Variants in KCNMA1 observed in about 807,000 individuals in gnomAD.
KCNMA1 encodes Calcium-activated potassium channel subunit alpha-1.
A neutral mutation model predicts 140.0 loss-of-function variants in KCNMA1; 29 were observed. The observed-to-expected ratio is 0.21, with a 90% CI of 0.15 to 0.28. The LOEUF (loss-of-function observed/expected upper bound fraction) is 0.28, where lower values mean the gene tolerates loss of function less well. Ranked by LOEUF, KCNMA1 falls within the 10% of genes least tolerant of loss-of-function variation. The probability of loss-of-function intolerance (pLI) is 1.00; values close to 1 mark genes in which losing one functional copy is unlikely to be tolerated. For missense variants in KCNMA1, 880 were observed against 1,602.2 expected (o/e 0.55, Z 7.70); for synonymous variants, 612 against 611.9 (o/e 1.00, Z 0.00).
chr10:77,242,225 A>G (rs777229878), intron 3 of KCNMA1, among the ~76,000 whole-genome samples: 8 of 152,260 alleles, frequency 5.3e-5, no homozygotes, highest in African/African-American at 1.2e-4. Context: ...TTAATCATCT[A>G]TCATTGGACA....
intron 1 of KCNMA1, among the ~76,000 whole-genome samples, chr10:77,564,149 A>G (rs544510146): frequency 1.3e-5 from 2 of 152,336 alleles, no homozygotes; most frequent in African/African-American, 4.8e-5. Flanking sequence ...ACAAAAAGAG[A>G]AGAACAGAGA....
Position 76,935,589 on chromosome 10 carries a change from G to A in KCNMA1, c.2902+9184C>T, listed in dbSNP as rs184568664. On this transcript the variant is annotated intron_variant, in intron 23 of 27. Transcript: ENST00000286628. The stretch of plus-strand genomic sequence containing the variant: ...GGAGATTAAATAAGATATTACATAG[G>A]AATGTGTCTGGTGTATGGCTCACCT... 1.4e-3 allele frequency among the ~76,000 whole-genome samples: 214 copies of A among 152,208 alleles called. No individual in the cohort carries two copies. In the Middle Eastern group the frequency reaches 0.024, roughly 17 times the overall value.
At chr10:77,025,357 T>A in intron 16 of KCNMA1, 1 of 999,970 alleles carries the variant, frequency 1.0e-6, no homozygotes, top group East Asian at 2.6e-5. Flanking sequence ...ATCTCTCTCT[T>A]CTTGAATTCT....
At chr10:77,325,986 G>T (rs147141468) in intron 2 of KCNMA1, among the ~76,000 whole-genome samples, 128 of 152,236 alleles carry the variant, frequency 8.4e-4, no homozygotes, top group African/African-American at 2.8e-3. Context: ...CCAGGATGGG[G>T]GTTGACTGTT....
At chr10:77,401,139 A>G (rs770972576) in intron 2 of KCNMA1, among the ~76,000 whole-genome samples, 8 of 147,750 alleles carry the variant, frequency 5.4e-5, no homozygotes, top group Non-Finnish European at 9.0e-5. Context: ...TTGTTCTACA[A>G]ACTTCAAAAA....
intron 2 of KCNMA1, among the ~76,000 whole-genome samples, chr10:77,318,113 T>C (rs2081356337): frequency 6.6e-6 from 1 of 152,164 alleles, no homozygotes; most frequent in Non-Finnish European, 1.5e-5. Flanking sequence ...GGCTCAGTGA[T>C]GGAGGTACTA....
intron 3 of KCNMA1, among the ~76,000 whole-genome samples, chr10:77,213,815 T>G (rs1039325891): frequency 6.6e-6 from 1 of 152,124 alleles, no homozygotes; most frequent in Non-Finnish European, 1.5e-5. Context: ...TTCTGATATC[T>G]CGGCCTCAAA....
At chr10:77,483,286 T>C (rs2098423114) in intron 1 of KCNMA1, among the ~76,000 whole-genome samples, 1 of 152,214 alleles carries the variant, frequency 6.6e-6, no homozygotes, top group Admixed American at 6.5e-5. Context: ...CTTCAACTTT[T>C]ACAAGGGAAG....
intron 9 of KCNMA1, among the ~76,000 whole-genome samples, chr10:77,104,355 G>A (rs546694373): frequency 4.6e-5 from 7 of 152,222 alleles, no homozygotes; most frequent in African/African-American, 1.2e-4. Flanking sequence ...AGCAAGAGAC[G>A]GGTTAGTCCA....
chr10:76,941,925 C>T (rs560650740), intron 23 of KCNMA1, among the ~76,000 whole-genome samples: 18 of 152,160 alleles, frequency 1.2e-4, no homozygotes, highest in Admixed American at 3.3e-4. Flanking sequence ...ACAGAAGGGA[C>T]GAGGGGTCTC....
At chr10:76,932,020 T>C (rs1213759084) in intron 23 of KCNMA1, among the ~76,000 whole-genome samples, 4 of 152,184 alleles carry the variant, frequency 2.6e-5, no homozygotes, top group Non-Finnish European at 5.9e-5. Context: ...CAAAAATAGC[T>C]AACATTGCTT....
At chr10:77,404,857 A>G (rs1388833116) in intron 1 of KCNMA1, among the ~76,000 whole-genome samples, 1 of 152,170 alleles carries the variant, frequency 6.6e-6, no homozygotes. Context: ...CAAGCCAATA[A>G]GACTCAAGCG....
intron 1 of KCNMA1, among the ~76,000 whole-genome samples, chr10:77,476,886 C>T (rs2098291646): frequency 6.6e-6 from 1 of 152,122 alleles, no homozygotes; most frequent in Non-Finnish European, 1.5e-5. Flanking sequence ...ATGTGTTAGT[C>T]ACAGCACTTG....
chr10:77,336,063 GA>G (rs940805279), intron 2 of KCNMA1, among the ~76,000 whole-genome samples: 2 of 152,048 alleles, frequency 1.3e-5, no homozygotes, highest in Non-Finnish European at 2.9e-5. Context: ...GGGAAGTTGG[GA>G]AAAAAATAGT....
At chr10:77,121,589 G>T (rs1165910661) in intron 5 of KCNMA1, among the ~76,000 whole-genome samples, 1 of 147,552 alleles carries the variant, frequency 6.8e-6, no homozygotes, top group Non-Finnish European at 1.5e-5. Flanking sequence ...AAAAAAAAAA[G>T]ATCAGTGAGA....
chr10:77,514,340 T>C (rs816838), intron 1 of KCNMA1, among the ~76,000 whole-genome samples: 16,221 of 152,230 alleles, frequency 0.11, 1,169 homozygotes, highest in African/African-American at 0.18. Flanking sequence ...CTTTGCATCC[T>C]GGCTGCCTGA....
At chr10:77,548,945 G>C (rs975177965) in intron 1 of KCNMA1, among the ~76,000 whole-genome samples, 2 of 152,174 alleles carry the variant, frequency 1.3e-5, no homozygotes, top group African/African-American at 4.8e-5. Context: ...ACTAATAAGG[G>C]ATGCATAGAT....
At chr10:76,922,203 G>A (rs977686911) in intron 23 of KCNMA1, among the ~76,000 whole-genome samples, 2 of 152,180 alleles carry the variant, frequency 1.3e-5, no homozygotes, top group Non-Finnish European at 2.9e-5. Flanking sequence ...AGAAACACGA[G>A]AGTTTTCAAA....
intron 1 of KCNMA1, among the ~76,000 whole-genome samples, chr10:77,448,948 G>T (rs186190132): frequency 6.6e-6 from 1 of 151,876 alleles, no homozygotes; most frequent in Non-Finnish European, 1.5e-5. Flanking sequence ...TTAGCCAGGC[G>T]TAGTGGTGCA....
Sources: gnomAD v4.1 joint callset for allele counts (sites outside exome capture counted in the v4.1 genomes callset) on GRCh38, gnomAD v4.1.1 for gene constraint, MANE v1.5 for transcripts, NCBI Gene and HGNC (gene_info 2026-07-23, HGNC 2026-07-21) for gene names.